Variants in F7 observed in about 807,000 individuals in gnomAD.
The protein encoded by F7 is FVII coagulation protein.
Under a neutral mutation model 47.5 loss-of-function variants are expected in F7, and 38 were observed. The ratio of observed to expected loss-of-function variants is 0.80; its 90% CI spans 0.62 to 1.05. The LOEUF (loss-of-function observed/expected upper bound fraction) is 1.05, where lower values mean the gene tolerates loss of function less well. F7 is among the 50% of genes least tolerant of loss of function. F7 has a pLI of 0.00. For synonymous variants in F7, 244 were observed against 258.5 expected, an observed-to-expected ratio of 0.94 and a Z score of 0.54; for missense variants, 575 against 605.4, an observed-to-expected ratio of 0.95 and a Z score of 0.53.
Position 113,118,798 on chromosome 13 carries a change from G to A in F7, c.1125G>A (p.Lys375=). ...MFCAGYSDGS[K]DSCKGDSGGP... is the part of the protein sequence containing the mutation. The stretch of plus-strand genomic sequence containing the variant: ...GTGCCGGCTACTCGGATGGCAGCAA[G>A]GACTCCTGCAAGGGGGACAGTGGAG... Residue 375 remains lysine (K), a synonymous_variant, in exon 8 of 8, where the codon AAG becomes AAA. Coordinates refer to ENST00000346342, the MANE Select transcript of F7 (RefSeq NM_019616.4). The A allele has an allele frequency of 6.2e-7, 1 of 1,613,168 alleles. No individual in the cohort carries two copies. The highest frequency in any genetic ancestry group is 8.5e-7 in the Non-Finnish European group (1 of 1,179,996).
chr13:113,109,745 C>T (rs1326400731), intron 1 of F7, among the ~76,000 whole-genome samples: 1 of 152,192 alleles, frequency 6.6e-6, no homozygotes, highest in Non-Finnish European at 1.5e-5. Flanking sequence ...GCCCGTCTCC[C>T]CTCGCGGGCT....
intron 1 of F7, chr13:113,110,452 G>C (rs2036068623): frequency 2.1e-6 from 1 of 479,488 alleles, no homozygotes; most frequent in Admixed American, 4.5e-5. Flanking sequence ...GCCCCCGAGC[G>C]CGCCCTCGGG....
chr13:113,115,504 C>T (rs539382632), intron 4 of F7, among the ~76,000 whole-genome samples, 156 bp from the exon 5 acceptor site: 40 of 152,342 alleles, frequency 2.6e-4, no homozygotes, highest in Admixed American at 5.9e-4. Context: ...GATCAGTCCA[C>T]GGAGCAGGTG....
intron 5 of F7, among the ~76,000 whole-genome samples, chr13:113,116,504 C>CT (rs1299158155): frequency 6.6e-6 from 1 of 152,256 alleles, no homozygotes; most frequent in Non-Finnish European, 1.5e-5. Context: ...CGTAAGCCCT[C>CT]TGTTTCCTCC....
At chr13:113,106,637 TGGCG>T in intron 1 of F7, among the ~76,000 whole-genome samples, 2 of 30,370 alleles carry the variant, frequency 6.6e-5, no homozygotes, top group Non-Finnish European at 1.2e-4. Context: ...GGGGTGGGGA[TGGCG>T]AGTGGGGCTG....
rs1458165308 is a variant in F7 at position 113,106,873 on chromosome 13, A to C, written c.64+968A>C. The C allele has an allele frequency of 2.5e-6, 4 of 1,606,764 alleles. No homozygotes were observed. Among genetic ancestry groups the C allele is most frequent in the Non-Finnish European group, 3.4e-6 (4 of 1,176,946 alleles). The stretch of plus-strand genomic sequence containing the variant: ...GGGTCGCTAAGGCCTCAGGAGGAGA[A>C]ACACGGGACATGCCGTGGAAGCCGG... On this transcript the variant is annotated intron_variant, in intron 1 of 7. Transcript: ENST00000346342.
At position 113,113,972 on chromosome 13, in the gene F7, C is replaced by T. The variant is rs749029241; in HGVS notation, c.364+12C>T. ...GAACTGTGAGACGCGTAAGGCCCCA[C>T]TTTGGGTCCCATATTTGCAGAGGGC... On this transcript the variant is annotated intron_variant, in intron 4 of 7. Transcript: ENST00000346342. The surrounding 1 kb of genome is among the most constrained non-coding windows in gnomAD (Gnocchi z 4.1). The T allele has an allele frequency of 2.5e-6, 4 of 1,613,572 alleles. No individual in the cohort carries two copies. The African/African-American group carries it at 4.0e-5, about 16-fold the overall frequency.
chr13:113,118,194 C>T lies in F7; in HGVS notation c.740-219C>T, dbSNP rs1441862622. ...CAGCATCCCTTCCCCACCTCAACAC[C>T]CAGACCCCAGATTCACCCCAGTTCA... On this transcript the variant is annotated intron_variant, in intron 7 of 7. Coordinates refer to ENST00000346342, the MANE Select transcript of F7 (RefSeq NM_019616.4). Among the ~76,000 whole-genome samples the T allele has an allele frequency of 2.6e-5, 4 of 152,288 alleles. 1 individual carries two copies. The highest frequency in any genetic ancestry group is 9.6e-5 in the African/African-American group (4 of 41,552).
In F7 at chr13:113,112,136, ACACT is replaced by A. The variant is rs146644165; in HGVS notation, c.225+1290_225+1293del. ...GGTCACCTCACACGGGGCACACTTCACACTCACAGGTCACCTCACACCCACAGGA... is the reference window on the plus strand; with the variant it reads ...GGTCACCTCACACGGGGCACACTTCACACAGGTCACCTCACACCCACAGGA... On this transcript the variant is annotated intron_variant, in intron 2 of 7. Coordinates refer to ENST00000346342, the MANE Select transcript of F7 (RefSeq NM_019616.4). 4.7e-3 allele frequency among the ~76,000 whole-genome samples: 655 copies of A among 140,360 alleles called. 7 individuals carry two copies. The highest frequency in any genetic ancestry group is 0.017 in the African/African-American group (615 of 36,554). 92.1% of individuals were successfully genotyped at this position (140,360 alleles called of 152,430 possible). A position where few individuals can be genotyped will look rare whatever the true frequency, so the allele number is the denominator to read the frequency against.
intron 6 of F7, among the ~76,000 whole-genome samples, 195 bp from the exon 7 acceptor site, chr13:113,117,278 C>A (rs2036209934): frequency 6.6e-6 from 1 of 152,248 alleles, no homozygotes; most frequent in South Asian, 2.1e-4. Context: ...CCCAAGAGCA[C>A]GTCTCGGCTA....
chr13:113,111,865 ACACT>A (rs1247999424), intron 2 of F7, among the ~76,000 whole-genome samples: 3 of 100,734 alleles, frequency 3.0e-5, no homozygotes, highest in East Asian at 6.5e-4. Context: ...GGCACACTTC[ACACT>A]CACGGGTCAC....
chr13:113,115,767 C>G lies in F7; in HGVS notation c.472C>G (p.Leu158Val), dbSNP rs140716599. ...CTGTCGGTGCCACGAGGGGTACTCT[C>G]TGCTGGCAGACGGGGTGTCCTGCAC... ...RSCRCHEGYSLLADGVSCTPT... is the reference protein window; with the variant it reads ...RSCRCHEGYSVLADGVSCTPT... The change falls in exon 5 of 8, where the codon CTG becomes GTG. Residue 158 changes from leucine (L) to valine (V), a missense_variant. Physicochemically the swap from Leu to Val is conservative, Grantham distance 32 (BLOSUM62 1). Transcript: ENST00000346342. 18 of 1,613,282 alleles carry G rather than the reference C, an allele frequency of 1.1e-5. No homozygotes were observed. The African/African-American group carries it at 2.0e-4, about 18-fold the overall frequency.
chr13:113,110,788 T>G lies in F7; in HGVS notation c.163T>G (p.Cys55Gly). ...ELRPGSLERECKEEQCSFEEA... is the reference protein window; with the variant it reads ...ELRPGSLEREGKEEQCSFEEA... The stretch of plus-strand genomic sequence containing the variant: ...GCGGCCGGGCTCCCTGGAGAGGGAG[T>G]GCAAGGAGGAGCAGTGCTCCTTCGA... Residue 55 changes from cysteine to glycine, a missense_variant, in exon 2 of 8, where the codon TGC becomes GGC. Coordinates refer to ENST00000346342, the MANE Select transcript of F7 (RefSeq NM_019616.4). The G allele has an allele frequency of 1.3e-6, 2 of 1,552,854 alleles. No homozygotes were observed. The highest frequency in any genetic ancestry group is 1.7e-6 in the Non-Finnish European group (2 of 1,148,906).
rs866283307 is a variant in F7, at chr13:113,119,936, G to C, written c.*928G>C. 1 of 152,178 alleles carries C rather than the reference G, an allele frequency of 6.6e-6. No homozygotes were observed. The highest frequency in any genetic ancestry group is 2.4e-5 in the African/African-American group (1 of 41,418). 9.4% of individuals were successfully genotyped at this position (152,178 alleles called of 1,614,324 possible). ...CTCCCCCAAATGTATTTCTCCCTTC[G>C]CTGGGTGCCGGGCTGCACAGACTAT... On this transcript the variant is annotated 3_prime_UTR_variant, in exon 8 of 8. Transcript: ENST00000346342.
Position 113,113,910 on chromosome 13 carries a change from C to G in F7, c.314C>G (p.Ser105Cys). 1 of 1,614,170 alleles carries G rather than the reference C, an allele frequency of 6.2e-7. No homozygotes were observed. The highest frequency in any genetic ancestry group is 1.1e-5 in the South Asian group (1 of 91,086). The change falls in exon 4 of 8, where the codon TCC becomes TGC. Residue 105 changes from serine to cysteine, a missense_variant. By Grantham distance (112) the Ser-to-Cys change is moderately radical. Coordinates refer to ENST00000346342, the MANE Select transcript of F7 (RefSeq NM_019616.4). This position sits in a 1 kb window ranked among gnomAD's most constrained non-coding sequence, Gnocchi z 4.1. ...GGCTCCTGCAAGGACCAGCTCCAGTCCTATATCTGCTTCTGCCTCCCTGCC... is the reference window on the plus strand; with the variant it reads ...GGCTCCTGCAAGGACCAGCTCCAGTGCTATATCTGCTTCTGCCTCCCTGCC... ...NGGSCKDQLQ[S>C]YICFCLPAFE...
At position 113,119,118 on chromosome 13, in the gene F7, G is replaced by GTTA. The variant is rs1197354817; in HGVS notation, c.*110_*111insTTA. On this transcript the variant is annotated 3_prime_UTR_variant, in exon 8 of 8. Transcript: ENST00000346342. ...ATGGGGTAGAGGAGGGCATGGGAGG[G>GTTA]AGGGAGAGGTGGGGAGGGAGACAGA... is the stretch of plus-strand genomic sequence containing the variant. The GTTA allele has an allele frequency of 6.4e-6, 4 of 625,890 alleles. No homozygotes were observed. In the African/African-American group the frequency reaches 7.4e-5, roughly 12 times the overall value. The allele number at this position is 625,890 out of a possible 1,614,324, so 38.8% of individuals were successfully genotyped here.
At chr13:113,106,917 A>T (rs755600636) in intron 1 of F7, 27 of 1,599,758 alleles carry the variant, frequency 1.7e-5, no homozygotes, top group Non-Finnish European at 2.0e-5. Flanking sequence ...AGAGGTGAGC[A>T]GGGACTGCCA....
chr13:113,115,599 G>A lies in F7; in HGVS notation c.365-61G>A, dbSNP rs143572954. 4.0e-4 allele frequency: 634 copies of A among 1,578,564 alleles called. 2 individuals carry two copies. The African/African-American group carries it at 6.7e-3, about 17-fold the overall frequency. ...TGCTGACCCAGGGCATGGCCACCCC[G>A]GGGGCTGGCTCTCGCTGACCCCCAG... On this transcript the variant is annotated intron_variant, in intron 4 of 7. Coordinates refer to ENST00000346342, the MANE Select transcript of F7 (RefSeq NM_019616.4).
chr13:113,118,450 G>C lies in F7; in HGVS notation c.777G>C (p.Gln259His). The C allele has an allele frequency of 6.2e-7, 1 of 1,605,164 alleles. No homozygotes were observed. Reference sequence around the variant, plus strand: ...TCAGCGAGCACGACGGGGATGAGCAGAGCCGGCGGGTGGCGCAGGTCATCA... The same window carrying C: ...TCAGCGAGCACGACGGGGATGAGCACAGCCGGCGGGTGGCGCAGGTCATCA... ...HDLSEHDGDE[Q>H]SRRVAQVIIP... The change falls in exon 8 of 8, where the codon CAG becomes CAC. Residue 259 changes from glutamine (Q) to histidine (H), a missense_variant. Coordinates refer to ENST00000346342, the MANE Select transcript of F7 (RefSeq NM_019616.4).
Sources: gnomAD v4.1 joint callset for allele counts (sites outside exome capture counted in the v4.1 genomes callset) on GRCh38, gnomAD v4.1.1 for gene constraint, Gnocchi (gnomAD v3.1) non-coding constraint, MANE v1.5 for transcripts, NCBI Gene and HGNC (gene_info 2026-07-23, HGNC 2026-07-21) for gene names.